The following DAB1 variants were observed in gnomAD, a reference collection of about 807,000 sequenced individuals.
The protein encoded by DAB1 is disabled homolog 1.
In DAB1, 15 loss-of-function variants were observed where a neutral mutation model predicts 64.6. That is an observed-to-expected ratio of 0.23 (90% CI 0.16 to 0.36). The LOEUF is 0.36. DAB1 is among the 10% of genes least tolerant of loss of function. The pLI is 1.00. For synonymous variants in DAB1, 235 were observed against 251.9 expected (o/e 0.93, Z 0.64); for missense variants, 596 against 706.7 (o/e 0.84, Z 1.78).
intron 7 of DAB1, among the ~76,000 whole-genome samples, chr1:57,618,062 G>A (rs1645809629): frequency 6.6e-6 from 1 of 152,148 alleles, no homozygotes; most frequent in Admixed American, 6.6e-5. Flanking sequence ...TCAGGAAAAG[G>A]GAAATAAAAG....
intron 5 of DAB1, among the ~76,000 whole-genome samples, chr1:58,026,086 G>A (rs1052058556): frequency 1.3e-5 from 2 of 152,116 alleles, no homozygotes; most frequent in Non-Finnish European, 2.9e-5. Context: ...TCTCCCTCAA[G>A]AATAGGGACT....
At chr1:57,724,638 G>A (rs973015851) in intron 6 of DAB1, among the ~76,000 whole-genome samples, 5 of 152,050 alleles carry the variant, frequency 3.3e-5, no homozygotes, top group African/African-American at 1.2e-4. Flanking sequence ...GTCATCTTGC[G>A]GGCTCCCTTC....
At chr1:58,168,319 A>C (rs78258900) in intron 4 of DAB1, among the ~76,000 whole-genome samples, 28,610 of 151,982 alleles carry the variant, frequency 0.19, 2,879 homozygotes, top group East Asian at 0.37. Context: ...GGGTCCCAAC[A>C]ACAAGCTGGT....
chr1:58,265,250 A>G (rs1198275253), intron 4 of DAB1, among the ~76,000 whole-genome samples: 1 of 152,252 alleles, frequency 6.6e-6, no homozygotes, highest in African/African-American at 2.4e-5. Context: ...AGGTCACACA[A>G]TGTGAAACTG....
intron 7 of DAB1, among the ~76,000 whole-genome samples, chr1:57,624,487 C>G (rs1425318980): frequency 2.0e-5 from 3 of 152,206 alleles, no homozygotes; most frequent in Non-Finnish European, 2.9e-5. Context: ...ATCATAGTTG[C>G]TAAGACGGTT....
At chr1:57,763,072 T>C (rs1439107898) in intron 6 of DAB1, among the ~76,000 whole-genome samples, 1 of 152,154 alleles carries the variant, frequency 6.6e-6, no homozygotes, top group Non-Finnish European at 1.5e-5. Flanking sequence ...CTCCCTCCCC[T>C]ATTGCAAAAT....
intron 3 of DAB1, among the ~76,000 whole-genome samples, chr1:58,389,430 C>T (rs771783195): frequency 4.6e-5 from 7 of 152,146 alleles, no homozygotes; most frequent in Non-Finnish European, 8.8e-5. Flanking sequence ...AGAGTGACAA[C>T]ATATCTCAAA....
intron 2 of DAB1, among the ~76,000 whole-genome samples, chr1:57,255,204 A>T (rs573626330): frequency 6.6e-6 from 1 of 152,346 alleles, no homozygotes; most frequent in African/African-American, 2.4e-5. Context: ...AATATGTCAG[A>T]AGCAGGCTCC....
chr1:58,484,483 C>G (rs11207240), intron 3 of DAB1, among the ~76,000 whole-genome samples: 47,118 of 152,040 alleles, frequency 0.31, 7,749 homozygotes, highest in African/African-American at 0.42. Flanking sequence ...ATTCACATAA[C>G]ATTTCATGAC....
chr1:58,148,043 A>G lies in DAB1; in HGVS notation n.387+2468T>C, dbSNP rs543378663. The stretch of plus-strand genomic sequence containing the variant: ...GAAAGCCCCTTGTGTTTTCAGTGAC[A>G]AATGGAATTCAAAATCCATGAAACC... On this transcript the variant is annotated intron_variant and non_coding_transcript_variant, in intron 5 of 20. Transcript: ENST00000485760. 4.6e-5 allele frequency among the ~76,000 whole-genome samples: 7 copies of G among 152,100 alleles called. No homozygotes were observed. The South Asian group carries it at 1.5e-3, about 32-fold the overall frequency.
intron 6 of DAB1, among the ~76,000 whole-genome samples, chr1:57,764,831 T>A (rs1028915537): frequency 2.0e-5 from 3 of 151,306 alleles, no homozygotes; most frequent in African/African-American, 7.3e-5. Flanking sequence ...ATTCCTGTTG[T>A]AAGAGGCATC....
At chr1:57,901,714 G>A (rs936424675) in intron 5 of DAB1, among the ~76,000 whole-genome samples, 1 of 152,060 alleles carries the variant, frequency 6.6e-6, no homozygotes, top group Non-Finnish European at 1.5e-5. Context: ...TCTGTCAGGC[G>A]CTGAATTCAT....
intron 1 of DAB1, among the ~76,000 whole-genome samples, chr1:57,397,771 A>G (rs1682932388): frequency 6.6e-6 from 1 of 152,220 alleles, no homozygotes; most frequent in African/African-American, 2.4e-5. Context: ...TAAATCAACT[A>G]CTTCCCATCT....
At chr1:58,148,915 C>T (rs899040983) in intron 5 of DAB1, among the ~76,000 whole-genome samples, 50 of 152,260 alleles carry the variant, frequency 3.3e-4, no homozygotes, top group African/African-American at 1.2e-3. Context: ...AGACCATGAT[C>T]TCCCCTGTCT....
intron 6 of DAB1, among the ~76,000 whole-genome samples, chr1:57,741,410 C>T (rs773609909): frequency 6.6e-5 from 10 of 152,160 alleles, no homozygotes; most frequent in Non-Finnish European, 1.2e-4. Context: ...CAAATTGAGG[C>T]TTAGAAACCT....
chr1:58,449,308 T>C (rs10789062), intron 3 of DAB1, among the ~76,000 whole-genome samples: 106,443 of 152,132 alleles, frequency 0.7, 38,755 homozygotes, highest in Middle Eastern at 0.83. Flanking sequence ...GCCAGGTTAC[T>C]CTGACCCTTT....
chr1:57,442,361 C>T, intron 7 of DAB1, among the ~76,000 whole-genome samples: 1 of 152,164 alleles, frequency 6.6e-6, no homozygotes, highest in Non-Finnish European at 1.5e-5. Flanking sequence ...TCAGCTGTCT[C>T]TAGAAAAGCA....
At chr1:58,284,943 T>C (rs140193006) in intron 4 of DAB1, among the ~76,000 whole-genome samples, 2 of 152,328 alleles carry the variant, frequency 1.3e-5, no homozygotes, top group Admixed American at 1.3e-4. Flanking sequence ...TTACTACATA[T>C]GTTGAAATCA....
chr1:57,962,567 T>C (rs564527279), intron 5 of DAB1, among the ~76,000 whole-genome samples: 4 of 152,296 alleles, frequency 2.6e-5, no homozygotes, highest in Non-Finnish European at 4.4e-5. Flanking sequence ...AATGGAATAA[T>C]ACATTTACGA....
Sources: allele counts gnomAD v4.1 joint callset (sites outside exome capture counted in the v4.1 genomes callset), GRCh38; gene constraint gnomAD v4.1.1; transcripts MANE v1.5; gene names NCBI Gene and HGNC (gene_info 2026-07-23, HGNC 2026-07-21).